Variants in ATP8B4 observed in about 807,000 individuals in gnomAD.
ATP8B4 encodes ATPase phospholipid transporting 8B4 (putative), also known as probable phospholipid-transporting ATPase IM.
In ATP8B4, 133 loss-of-function variants were observed where a neutral mutation model predicts 145.6. The ratio of observed to expected loss-of-function variants is 0.91; its 90% CI spans 0.79 to 1.05. The LOEUF (loss-of-function observed/expected upper bound fraction) is 1.05. Ranked by LOEUF, ATP8B4 falls within the 50% of genes least tolerant of loss-of-function variation. ATP8B4 has a pLI of 0.00. For synonymous variants in ATP8B4, 507 were observed against 492.9 expected (o/e 1.03, Z -0.38); for missense variants, 1,458 against 1,425.2 (o/e 1.02, Z -0.37).
At chr15:50,008,005 C>CT (rs1339229518) in intron 7 of ATP8B4, among the ~76,000 whole-genome samples, 1 of 152,092 alleles carries the variant, frequency 6.6e-6, no homozygotes, top group Admixed American at 6.6e-5. Flanking sequence ...ATAAAAATAT[C>CT]TTTTTTTGAT....
At chr15:50,156,654 G>C (rs12907171) in intron 1 of ATP8B4, among the ~76,000 whole-genome samples, 34,846 of 151,948 alleles carry the variant, frequency 0.23, 4,563 homozygotes, top group Non-Finnish European at 0.3. Context: ...GATTTTTTAG[G>C]TTCAAATAAT....
intron 7 of ATP8B4, among the ~76,000 whole-genome samples, chr15:50,003,970 A>T (rs1474498198): frequency 6.6e-6 from 1 of 152,110 alleles, no homozygotes; most frequent in Non-Finnish European, 1.5e-5. Context: ...GCTGACCCCC[A>T]TAGGTTCCGG....
chr15:49,979,802 A>G lies in ATP8B4; in HGVS notation c.849T>C (p.Phe283=). The change falls in exon 12 of 28, where the codon TTT becomes TTC. Residue 283 remains phenylalanine (F), a synonymous_variant. Coordinates refer to ENST00000284509, the MANE Select transcript of ATP8B4 (RefSeq NM_024837.4). ...MNTLVLWIFG[F]LICLGIILAI... is the part of the protein sequence containing the mutation. ...CAAGAATAATTCCCAAGCATATCAG[A>G]AACCCAAAAATCTGAAATAAGATAG... The G allele has an allele frequency of 6.3e-7, 1 of 1,584,404 alleles. No individual in the cohort carries two copies. The highest frequency in any genetic ancestry group is 8.6e-7 in the Non-Finnish European group (1 of 1,161,786).
At chr15:49,889,708 G>C (rs2036590723) in intron 23 of ATP8B4, among the ~76,000 whole-genome samples, 1 of 152,222 alleles carries the variant, frequency 6.6e-6, no homozygotes, top group South Asian at 2.1e-4. Context: ...GCTCTCATCA[G>C]ATAATAATTG....
At position 49,905,333 on chromosome 15, in the gene ATP8B4, A is replaced by C. The variant is rs1053284961; in HGVS notation, c.2142-4094T>G. Among the ~76,000 whole-genome samples the C allele has an allele frequency of 1.3e-4, 20 of 152,218 alleles. 1 individual carries two copies. Among genetic ancestry groups the C allele is most frequent in the African/African-American group, 4.6e-4 (19 of 41,454 alleles). ...TGTTCTTTGGTTACACTTTCTTTTT[A>C]AATGAACTCCCACTGAACTCAAAAG... On this transcript the variant is annotated intron_variant, in intron 20 of 27. Transcript: ENST00000284509.
At chr15:49,915,356 G>A (rs139311836) in intron 20 of ATP8B4, among the ~76,000 whole-genome samples, 25 of 152,256 alleles carry the variant, frequency 1.6e-4, no homozygotes, top group African/African-American at 4.8e-4. Context: ...TAGTACAAAC[G>A]TATAGTTAGA....
intron 20 of ATP8B4, among the ~76,000 whole-genome samples, chr15:49,903,122 C>T (rs147692275): frequency 9.7e-4 from 148 of 152,248 alleles, no homozygotes; most frequent in Non-Finnish European, 1.7e-3. Flanking sequence ...TACAGGCCAA[C>T]GTCTCTTGGC....
chr15:49,861,222 T>C (rs1203536447), intron 27 of ATP8B4, among the ~76,000 whole-genome samples: 1 of 152,158 alleles, frequency 6.6e-6, no homozygotes, highest in Non-Finnish European at 1.5e-5. Flanking sequence ...ATCAAACTTA[T>C]CGGACAAACA....
chr15:50,173,941 C>T (rs2044726353), intron 1 of ATP8B4, among the ~76,000 whole-genome samples: 1 of 152,114 alleles, frequency 6.6e-6, no homozygotes, highest in South Asian at 2.1e-4. Context: ...ACAGATTATC[C>T]ACCATGATCA....
intron 1 of ATP8B4, among the ~76,000 whole-genome samples, chr15:50,113,767 A>G (rs2057059834): frequency 1.4e-5 from 2 of 139,408 alleles, no homozygotes; most frequent in South Asian, 4.9e-4. Context: ...TGAGCCCGGG[A>G]GGCAGAGGTT....
chr15:50,167,575 T>G (rs2044612881), intron 1 of ATP8B4, among the ~76,000 whole-genome samples: 1 of 228 alleles, frequency 4.4e-3, no homozygotes, highest in Admixed American at 0.17. Context: ...AAAAACACAT[T>G]TTTTCAAATA....
At chr15:49,896,263 A>AGAGAAAATT (rs2037387097) in intron 23 of ATP8B4, 1 of 152,232 alleles carries the variant, frequency 6.6e-6, no homozygotes, top group Admixed American at 6.5e-5. Context: ...TATCCTAAAA[A>AGAGAAAATT]GAGAAAATTA....
chr15:50,163,753 T>C (rs1466816900), intron 1 of ATP8B4, among the ~76,000 whole-genome samples: 1 of 152,228 alleles, frequency 6.6e-6, no homozygotes, highest in African/African-American at 2.4e-5. Context: ...TGGGTCAAGA[T>C]GCTGTTCAGG....
chr15:50,106,240 G>T (rs1357431693), intron 2 of ATP8B4, among the ~76,000 whole-genome samples: 1 of 152,110 alleles, frequency 6.6e-6, no homozygotes, highest in Admixed American at 6.6e-5. Context: ...AAAGAAAACA[G>T]CCATAATAGG....
intron 10 of ATP8B4, among the ~76,000 whole-genome samples, chr15:49,981,499 TC>T (rs2046153877): frequency 6.6e-6 from 1 of 152,204 alleles, no homozygotes; most frequent in Non-Finnish European, 1.5e-5. Flanking sequence ...GATGTGATCT[TC>T]TTAGACTAGG....
intron 6 of ATP8B4, among the ~76,000 whole-genome samples, chr15:50,029,427 A>T (rs984729352): frequency 1.3e-5 from 2 of 151,916 alleles, no homozygotes; most frequent in Admixed American, 1.3e-4. Context: ...GGGCTATGTA[A>T]TTCCAATCTC....
chr15:50,001,298 T>A (rs2047874119), intron 8 of ATP8B4, among the ~76,000 whole-genome samples: 2 of 152,200 alleles, frequency 1.3e-5, no homozygotes, highest in Admixed American at 1.3e-4. Context: ...ATGTATGCCA[T>A]AAATGTTCCT....
Position 49,987,422 on chromosome 15 carries a change from G to C in ATP8B4, c.717C>G (p.Thr239=), listed in dbSNP as rs931596296. 1.9e-5 allele frequency: 30 copies of C among 1,613,634 alleles called. No individual in the cohort carries two copies. Among genetic ancestry groups the C allele is most frequent in the Non-Finnish European group, 2.5e-5 (30 of 1,179,772 alleles). Residue 239 remains threonine, a synonymous_variant, in exon 10 of 28, where the codon ACC becomes ACG. Transcript: ENST00000284509. The stretch of plus-strand genomic sequence containing the variant: ...AAATAACCATTCCAAAACACCAGCT[G>C]GTATTTCTCAGGATGCAGCCTCTCA... The part of the protein sequence containing the change: ...IILRGCILRN[T]SWCFGMVIFA...
intron 1 of ATP8B4, among the ~76,000 whole-genome samples, chr15:50,128,197 T>G (rs142110095): frequency 6.6e-6 from 1 of 152,354 alleles, no homozygotes; most frequent in East Asian, 1.9e-4. Context: ...AGGGGAATCA[T>G]GGAGACAGAC....
Sources: allele counts gnomAD v4.1 joint callset (sites outside exome capture counted in the v4.1 genomes callset), GRCh38; gene constraint gnomAD v4.1.1; transcripts MANE v1.5; gene names NCBI Gene and HGNC (gene_info 2026-07-23, HGNC 2026-07-21).